Variants in CYP11A1 observed in about 807,000 individuals in gnomAD.
The protein encoded by CYP11A1 is cytochrome P450 family 11 subfamily A member 1.
A neutral mutation model predicts 51.9 loss-of-function variants in CYP11A1; 25 were observed. That is an observed-to-expected ratio of 0.48 (90% CI 0.35 to 0.67). The LOEUF (loss-of-function observed/expected upper bound fraction) is 0.67, where lower values mean the gene tolerates loss of function less well. Among genes scored for constraint, CYP11A1 ranks in the 30% least tolerant of loss-of-function variants. The probability of loss-of-function intolerance (pLI) is 0.00; values close to 1 mark genes in which losing one functional copy is unlikely to be tolerated. For synonymous variants in CYP11A1, 245 were observed against 262.1 expected, an observed-to-expected ratio of 0.93 and a Z score of 0.63; for missense variants, 578 against 680.9, an observed-to-expected ratio of 0.85 and a Z score of 1.68.
At chr15:74,351,751 T>C (rs533766535) in intron 1 of CYP11A1, among the ~76,000 whole-genome samples, 6 of 152,350 alleles carry the variant, frequency 3.9e-5, no homozygotes, top group African/African-American at 1.4e-4. Flanking sequence ...TGAAGTTTAC[T>C]GTTGAATTGG....
chr15:74,338,319 C>T (rs917900428), intron 8 of CYP11A1: 172 of 710,290 alleles, frequency 2.4e-4, no homozygotes, highest in Non-Finnish European at 6.6e-5. Context: ...TGTCTACAAA[C>T]CTCAGTCCTA....
At chr15:74,342,329 A>T (rs942543019) in intron 5 of CYP11A1, among the ~76,000 whole-genome samples, 3 of 151,928 alleles carry the variant, frequency 2.0e-5, no homozygotes, top group Admixed American at 6.6e-5. Flanking sequence ...TGATCCGCCC[A>T]CCTCTGCCTC....
intron 3 of CYP11A1, 123 bp from the exon 4 acceptor site, chr15:74,344,115 C>A: frequency 2.6e-6 from 2 of 763,024 alleles, no homozygotes; most frequent in Non-Finnish European, 2.2e-6. Context: ...CTACCCTCAG[C>A]CTCCTTCAGT....
chr15:74,361,457 G>A, intron 1 of CYP11A1: 1 of 400,674 alleles, frequency 2.5e-6, no homozygotes, highest in South Asian at 2.9e-5. Flanking sequence ...AGACTTTCAT[G>A]TTAAACCAGC....
intron 1 of CYP11A1, among the ~76,000 whole-genome samples, chr15:74,355,350 A>C (rs1260497078): frequency 1.3e-5 from 2 of 152,170 alleles, no homozygotes; most frequent in Non-Finnish European, 2.9e-5. Flanking sequence ...CAAGATCTAG[A>C]TAATTCTTGT....
chr15:74,365,556 T>C, intron 1 of CYP11A1: 1 of 528,820 alleles, frequency 1.9e-6, no homozygotes, highest in Non-Finnish European at 2.4e-6. Context: ...GCTTGTTCTC[T>C]AACCACCTCT....
chr15:74,341,635 A>C (rs2060607485), intron 5 of CYP11A1, among the ~76,000 whole-genome samples: 1 of 152,150 alleles, frequency 6.6e-6, no homozygotes, highest in Non-Finnish European at 1.5e-5. Flanking sequence ...GCAGTGTGCT[A>C]TTCCTCCGTT....
chr15:74,349,581 TGA>T (rs2141238468), intron 1 of CYP11A1, among the ~76,000 whole-genome samples: 1 of 152,308 alleles, frequency 6.6e-6, no homozygotes, highest in Admixed American at 6.5e-5. Flanking sequence ...GCCAAGCCCT[TGA>T]ACTGCTATTA....
Position 74,345,155 on chromosome 15 carries a change from C to T in CYP11A1, c.514G>A (p.Asp172Asn). The T allele has an allele frequency of 6.2e-7, 1 of 1,614,220 alleles. No individual in the cohort carries two copies. Among genetic ancestry groups the T allele is most frequent in the East Asian group, 2.2e-5 (1 of 44,890 alleles). Reference sequence around the variant, plus strand: ...CTGACGAAGTCCCGAGACACTGCATCCAACAGGGGCAAAAAGTTCTTGGTG... The same window carrying T: ...CTGACGAAGTCCCGAGACACTGCATTCAACAGGGGCAAAAAGTTCTTGGTG... ...EATKNFLPLL[D>N]AVSRDFVSVL... The change falls in exon 3 of 9, where the codon GAT becomes AAT. Residue 172 changes from aspartate (D) to asparagine (N), a missense_variant. Coordinates refer to ENST00000268053, the MANE Select transcript of CYP11A1 (RefSeq NM_000781.3). The surrounding 1 kb of genome is among the most constrained non-coding windows in gnomAD (Gnocchi z 4.3).
At chr15:74,341,490 C>T (rs1236610172) in intron 5 of CYP11A1, among the ~76,000 whole-genome samples, 1 of 152,166 alleles carries the variant, frequency 6.6e-6, no homozygotes. Context: ...CTTCTCTCTC[C>T]TCCTGGCAAC....
At chr15:74,338,451 G>A in intron 8 of CYP11A1, 120 bp downstream of exon 8, 2 of 1,039,716 alleles carry the variant, frequency 1.9e-6, no homozygotes, top group South Asian at 1.3e-5. Context: ...GTAACTGGAG[G>A]TAGATGCGCC....
chr15:74,364,255 A>G (rs2060721579), intron 1 of CYP11A1: 1 of 152,696 alleles, frequency 6.5e-6, no homozygotes, highest in Non-Finnish European at 1.5e-5. Context: ...GGTAGGGACT[A>G]TGCCCCAAGC....
At position 74,345,990 on chromosome 15, in the gene CYP11A1, A is replaced by T. The variant is rs543732706; in HGVS notation, c.426-747T>A. ...AATCCCTTGCTCTCATTTGTGTCTA[A>T]TTTTATCTGATCTCCATTTATTCCC... On this transcript the variant is annotated intron_variant, in intron 2 of 8. Transcript: ENST00000268053. This position sits in a 1 kb window ranked among gnomAD's most constrained non-coding sequence, Gnocchi z 4.3. 6.6e-5 allele frequency among the ~76,000 whole-genome samples: 10 copies of T among 152,306 alleles called. No individual in the cohort carries two copies. The highest frequency in any genetic ancestry group is 2.4e-4 in the African/African-American group (10 of 41,564).
At chr15:74,353,757 CTT>C (rs990751492) in intron 1 of CYP11A1, among the ~76,000 whole-genome samples, 4 of 152,150 alleles carry the variant, frequency 2.6e-5, no homozygotes, top group African/African-American at 9.7e-5. Context: ...TCTCCTCTGA[CTT>C]TGCTTGTGTA....
chr15:74,340,663 C>A (rs1270820019), intron 5 of CYP11A1, among the ~76,000 whole-genome samples: 2 of 152,110 alleles, frequency 1.3e-5, no homozygotes, highest in Non-Finnish European at 2.9e-5. Flanking sequence ...CACAAACAAA[C>A]CTCTAAGGTA....
chr15:74,338,123 G>A lies in CYP11A1; in HGVS notation c.1435-20C>T. The A allele has an allele frequency of 6.2e-7, 1 of 1,614,164 alleles. No homozygotes were observed. Among genetic ancestry groups the A allele is most frequent in the Non-Finnish European group, 8.5e-7 (1 of 1,180,006 alleles). ...CAGCATCTGAGAAAGGCAGATGGTA[G>A]GTTTAGGGGAGGGCAGGGGAGGATC... On this transcript the variant is annotated intron_variant, in intron 8 of 8. Coordinates refer to ENST00000268053, the MANE Select transcript of CYP11A1 (RefSeq NM_000781.3).
chr15:74,356,017 C>T (rs1412808882), intron 1 of CYP11A1, among the ~76,000 whole-genome samples: 1 of 152,234 alleles, frequency 6.6e-6, no homozygotes, highest in African/African-American at 2.4e-5. Context: ...AATTAATCAA[C>T]CTTGCCTTCA....
rs376763954 is a variant in CYP11A1 at position 74,360,325 on chromosome 15, G to C, written c.269+6992C>G. 3.7e-3 allele frequency among the ~76,000 whole-genome samples: 567 copies of C among 152,010 alleles called. 3 individuals carry two copies. Among genetic ancestry groups the C allele is most frequent in the South Asian group, 0.025 (122 of 4,796 alleles). The stretch of plus-strand genomic sequence containing the variant: ...TGACAGAGTCTCACTCTGTCCCCCA[G>C]GCTGGAGTGCAGTGGCGCAATCTCG... On this transcript the variant is annotated intron_variant, in intron 1 of 8. Transcript: ENST00000268053.
chr15:74,351,561 C>T (rs2060656743), intron 1 of CYP11A1, among the ~76,000 whole-genome samples: 1 of 152,164 alleles, frequency 6.6e-6, no homozygotes, highest in Admixed American at 6.5e-5. Flanking sequence ...GTGATGCCCA[C>T]CTAAAGCCAG....
Sources: allele counts gnomAD v4.1 joint callset (sites outside exome capture counted in the v4.1 genomes callset), GRCh38; gene constraint gnomAD v4.1.1; non-coding constraint Gnocchi (gnomAD v3.1); transcripts MANE v1.5; gene names NCBI Gene and HGNC (gene_info 2026-07-23, HGNC 2026-07-21).